Variants in RAB11FIP3 observed in about 807,000 individuals in gnomAD.
RAB11FIP3 encodes RAB11 family interacting protein 3.
In RAB11FIP3, 17 loss-of-function variants were observed where a neutral mutation model predicts 77.8. The observed-to-expected ratio is 0.22, with a 90% CI of 0.15 to 0.33. The LOEUF (loss-of-function observed/expected upper bound fraction) is 0.33, where lower values mean the gene tolerates loss of function less well. Among genes scored for constraint, RAB11FIP3 ranks in the 10% least tolerant of loss-of-function variants. The pLI, the probability that RAB11FIP3 is intolerant of heterozygous loss-of-function variation, is 1.00. For synonymous variants in RAB11FIP3, 437 were observed against 448.2 expected, an observed-to-expected ratio of 0.98 and a Z score of 0.31; for missense variants, 1,005 against 1,011.2, an observed-to-expected ratio of 0.99 and a Z score of 0.08.
Position 507,042 on chromosome 16 carries a change from A to G in RAB11FIP3, c.1499+1415A>G, listed in dbSNP as rs1167908654. The stretch of plus-strand genomic sequence containing the variant: ...GTGCTGACTACAGCCTCCACCTCCC[A>G]GGCTCAAGCGACCCGCCTCCCTCAG... On this transcript the variant is annotated intron_variant, in intron 8 of 13. Transcript: ENST00000262305. The surrounding 1 kb of genome is among the most constrained non-coding windows in gnomAD (Gnocchi z 4.6). Among the ~76,000 whole-genome samples the G allele has an allele frequency of 2.0e-5, 3 of 151,380 alleles. No homozygotes were observed. The highest frequency in any genetic ancestry group is 7.3e-5 in the African/African-American group (3 of 41,134).
intron 9 of RAB11FIP3, among the ~76,000 whole-genome samples, chr16:515,799 C>T (rs2032388867): frequency 6.6e-6 from 1 of 152,226 alleles, no homozygotes; most frequent in Non-Finnish European, 1.5e-5. Flanking sequence ...CATCTTGGTA[C>T]ATGAAGGCTC....
At chr16:513,876 G>T (rs1425884759) in intron 9 of RAB11FIP3, among the ~76,000 whole-genome samples, 18 of 152,216 alleles carry the variant, frequency 1.2e-4, no homozygotes, top group African/African-American at 4.3e-4. Context: ...CCAGGACAGT[G>T]TTTTCCCCGG....
intron 4 of RAB11FIP3, 102 bp downstream of exon 4, chr16:482,838 T>G: frequency 8.0e-7 from 1 of 1,248,286 alleles, no homozygotes; most frequent in East Asian, 2.5e-5. Flanking sequence ...GCGTGCTGGT[T>G]AGCATCCATT....
At chr16:510,405 G>A (rs2032085000) in intron 8 of RAB11FIP3, 1 of 462,304 alleles carries the variant, frequency 2.2e-6, no homozygotes, top group Admixed American at 3.8e-5. Context: ...AGTGCCTGTG[G>A]GTATCAGCTG....
chr16:451,828 C>G (rs1190827721), intron 1 of RAB11FIP3, among the ~76,000 whole-genome samples: 2 of 150,944 alleles, frequency 1.3e-5, no homozygotes, highest in Admixed American at 6.6e-5. Flanking sequence ...GAGCAAGACT[C>G]TCTCTCAAAA....
chr16:451,834 CAAAAACAAACAAAGGAA>C (rs1372245041), intron 1 of RAB11FIP3, among the ~76,000 whole-genome samples: 1 of 149,534 alleles, frequency 6.7e-6, no homozygotes, highest in East Asian at 2.0e-4. Flanking sequence ...GACTCTCTCT[CAAAAACAAACAAAGGAA>C]AAAAACAAAC....
chr16:459,969 C>G (rs1163920204), intron 1 of RAB11FIP3, among the ~76,000 whole-genome samples: 3 of 149,434 alleles, frequency 2.0e-5, no homozygotes, highest in African/African-American at 7.4e-5. Context: ...CTTCTGCCTT[C>G]CGGGTTTAAG....
chr16:437,661 A>G (rs1230267665), intron 1 of RAB11FIP3, among the ~76,000 whole-genome samples: 1 of 152,046 alleles, frequency 6.6e-6, no homozygotes, highest in East Asian at 1.9e-4. Flanking sequence ...CGTGCCAAGT[A>G]CACTGAACTG....
intron 6 of RAB11FIP3, among the ~76,000 whole-genome samples, chr16:502,255 C>T (rs1255222669): frequency 2.6e-5 from 4 of 152,262 alleles, no homozygotes; most frequent in African/African-American, 9.6e-5. Flanking sequence ...TTACTGCGCG[C>T]CTAAGTTCAC....
chr16:459,348 A>C (rs980592499), intron 1 of RAB11FIP3, among the ~76,000 whole-genome samples: 2 of 150,796 alleles, frequency 1.3e-5, no homozygotes, highest in Non-Finnish European at 2.9e-5. Flanking sequence ...CTGGTCTCGA[A>C]CTCCGGACCT....
At chr16:510,419 C>G in intron 8 of RAB11FIP3, 1 of 495,924 alleles carries the variant, frequency 2.0e-6, no homozygotes, top group East Asian at 3.5e-5. Context: ...TCAGCTGGGC[C>G]TAGGTGCAGT....
At chr16:491,218 C>A in intron 5 of RAB11FIP3, 1 of 1,304,904 alleles carries the variant, frequency 7.7e-7, no homozygotes, top group South Asian at 1.2e-5. Context: ...ACAAACAAAT[C>A]AACCGCCTTG....
intron 1 of RAB11FIP3, among the ~76,000 whole-genome samples, chr16:445,443 AT>A (rs1217514556): frequency 9.5e-4 from 143 of 150,572 alleles, no homozygotes; most frequent in African/African-American, 3.4e-3. Context: ...TTGTCTCAAA[AT>A]AAAAATAAAA....
chr16:520,011 C>A, intron 11 of RAB11FIP3, 111 bp from the exon 12 acceptor site: 3 of 1,519,320 alleles, frequency 2.0e-6, no homozygotes, highest in Non-Finnish European at 2.7e-6. Context: ...TGGTGTGTGT[C>A]GTCCTCCCGA....
At chr16:488,397 A>G (rs1792042113) in intron 4 of RAB11FIP3, among the ~76,000 whole-genome samples, 1 of 149,154 alleles carries the variant, frequency 6.7e-6, no homozygotes, top group African/African-American at 2.4e-5. Context: ...AAGGTAAAGA[A>G]ACAGATTTAT....
At chr16:466,590 G>T (rs1205644583) in intron 2 of RAB11FIP3, among the ~76,000 whole-genome samples, 1 of 152,228 alleles carries the variant, frequency 6.6e-6, no homozygotes, top group Non-Finnish European at 1.5e-5. Flanking sequence ...GAAGCCTGGG[G>T]GCTGCCAGCT....
chr16:513,782 C>G (rs543335017), intron 9 of RAB11FIP3, among the ~76,000 whole-genome samples: 14 of 152,332 alleles, frequency 9.2e-5, no homozygotes, highest in Non-Finnish European at 1.9e-4. Context: ...ACTGAGAGAG[C>G]TGTGCGGGAC....
In RAB11FIP3 at chr16:480,471, T is replaced by C. The variant is rs536049749; in HGVS notation, c.904-2054T>C. Among the ~76,000 whole-genome samples, 7 of 152,110 alleles carry C rather than the reference T, an allele frequency of 4.6e-5. No individual in the cohort carries two copies. In the East Asian group the frequency reaches 1.4e-3, roughly 29 times the overall value. ...TCCTGAGTAGTTGGGATTACAGGCATGTGCCACCACACTTGGCTAATTATA... is the reference window on the plus strand; with the variant it reads ...TCCTGAGTAGTTGGGATTACAGGCACGTGCCACCACACTTGGCTAATTATA... On this transcript the variant is annotated intron_variant, in intron 3 of 13. Coordinates refer to ENST00000262305, the MANE Select transcript of RAB11FIP3 (RefSeq NM_014700.4).
Position 492,401 on chromosome 16 carries a change from A to G in RAB11FIP3, c.1265+3401A>G, listed in dbSNP as rs560525649. ...GAGGCCGCCCAGAGCCCTCCCCGGG[A>G]GACCCGAGGCCGCCCAGGGCCCTCC... On this transcript the variant is annotated intron_variant, in intron 5 of 13. Coordinates refer to ENST00000262305, the MANE Select transcript of RAB11FIP3 (RefSeq NM_014700.4). 2.1e-3 allele frequency among the ~76,000 whole-genome samples: 294 copies of G among 138,944 alleles called. 3 individuals carry two copies. Among genetic ancestry groups the G allele is most frequent in the African/African-American group, 4.9e-3 (175 of 36,062 alleles). The allele number at this position is 138,944 out of a possible 152,430, so 91.2% of individuals were successfully genotyped here.
Sources: allele counts gnomAD v4.1 joint callset (sites outside exome capture counted in the v4.1 genomes callset), GRCh38; gene constraint gnomAD v4.1.1; non-coding constraint Gnocchi (gnomAD v3.1); transcripts MANE v1.5; gene names NCBI Gene and HGNC (gene_info 2026-07-23, HGNC 2026-07-21).